MED14: variants seen among roughly 807,000 people sequenced by gnomAD.
MED14 encodes the protein mediator of RNA polymerase II transcription subunit 14.
Under a neutral mutation model 109.0 loss-of-function variants are expected in MED14, and 8 were observed. The ratio of observed to expected loss-of-function variants is 0.07; its 90% CI spans 0.04 to 0.13. The LOEUF (loss-of-function observed/expected upper bound fraction) is 0.13, where lower values mean the gene tolerates loss of function less well. Ranked by LOEUF, MED14 falls within the 10% of genes least tolerant of loss-of-function variation. MED14 has a pLI of 1.00. For synonymous variants in MED14, 399 were observed against 408.7 expected (o/e 0.98, Z 0.29); for missense variants, 711 against 1,142.4 (o/e 0.62, Z 5.44).
In MED14 at chrX:40,651,312, T is replaced by G; in HGVS notation, c.*494A>C. 1 of 753,745 alleles carries G rather than the reference T, an allele frequency of 1.3e-6. No individual in the cohort carries two copies. Among genetic ancestry groups the G allele is most frequent in the Non-Finnish European group, 1.6e-6 (1 of 638,504 alleles). The allele number at this position is 753,745 out of a possible 1,213,427, so 62.1% of individuals were successfully genotyped here. A position where few individuals can be genotyped will look rare whatever the true frequency, so the allele number is the denominator to read the frequency against. On this transcript the variant is annotated 3_prime_UTR_variant, in exon 31 of 31. Coordinates refer to ENST00000324817, the MANE Select transcript of MED14 (RefSeq NM_004229.4). Reference sequence around the variant, plus strand: ...CCTAGTTTTATTAAATATTGCTTCCTTGGGGTGTGTTTATAACAACTCCCA... The same window carrying G: ...CCTAGTTTTATTAAATATTGCTTCCGTGGGGTGTGTTTATAACAACTCCCA...
In MED14 at chrX:40,702,984, T is replaced by C. The variant is rs1055125018; in HGVS notation, c.1411+460A>G. On this transcript the variant is annotated intron_variant, in intron 11 of 30. Transcript: ENST00000324817. ...ACAGAACAAGTAAGAAATCAAACTT[T>C]AATTTCTACTGTGTTTAGGCCAGAA... 3.6e-5 allele frequency among the ~76,000 whole-genome samples: 4 copies of C among 112,142 alleles called. No individual in the cohort carries two copies. The Admixed American group carries it at 3.8e-4, about 11-fold the overall frequency.
At chrX:40,735,884 G>A (rs975640955), upstream of MED14, 13 of 269,794 alleles carry the variant, frequency 4.8e-5, no homozygotes, top group Non-Finnish European at 7.8e-5. Context: ...GAGCGGAAAA[G>A]GGAGCCGCGC....
rs1030870506 is a variant in MED14 at position 40,692,768 on chromosome X, A to C, written c.1785T>G (p.Ile595Met). 2 of 1,209,326 alleles carry C rather than the reference A, an allele frequency of 1.7e-6. No homozygotes were observed. The highest frequency in any genetic ancestry group is 2.2e-6 in the Non-Finnish European group (2 of 895,019). The change falls in exon 14 of 31, where the codon ATT becomes ATG. Residue 595 changes from isoleucine to methionine, a missense_variant. By Grantham distance (10) the Ile-to-Met change is conservative. Around this residue, in one of 8 missense-constraint regions of MED14, gnomAD observed 388 missense variants for 517.3 expected, o/e 0.75. Coordinates refer to ENST00000324817, the MANE Select transcript of MED14 (RefSeq NM_004229.4). ...ALLLQQFKEN[I>M]QDLVFRTKTG... ...TTTTTGTACGAAAAACCAAGTCCTGAATGTTTTCCTTGAACTGCTGCAGCA... is the reference window on the plus strand; with the variant it reads ...TTTTTGTACGAAAAACCAAGTCCTGCATGTTTTCCTTGAACTGCTGCAGCA...
intron 3 of MED14, among the ~76,000 whole-genome samples, chrX:40,721,455 A>T (rs1329312020): frequency 8.9e-6 from 1 of 112,790 alleles, no homozygotes; most frequent in Non-Finnish European, 1.9e-5. Flanking sequence ...TTGTGGTTTG[A>T]GTGCCAGCTT....
chrX:40,714,566 A>C lies in MED14; in HGVS notation c.493T>G (p.Ser165Ala). 4 of 1,211,779 alleles carry C rather than the reference A, an allele frequency of 3.3e-6. No individual in the cohort carries two copies. The highest frequency in any genetic ancestry group is 4.5e-6 in the Non-Finnish European group (4 of 895,501). Residue 165 changes from serine (S) to alanine (A), a missense_variant, in exon 4 of 31, where the codon TCT (serine) becomes GCT (alanine). Physicochemically the swap from Ser to Ala is moderately conservative, Grantham distance 99. Coordinates refer to ENST00000324817, the MANE Select transcript of MED14 (RefSeq NM_004229.4). Reference protein sequence around the residue: ...PYAIDVLTTGSYPRLPTCIRD... With the variant: ...PYAIDVLTTGAYPRLPTCIRD... ...ATGCAGGTTGGCAGCCGTGGGTAAG[A>C]TCCAGTAGTTAGTACATCAATGGCA...
At position 40,679,852 on chromosome X, in the gene MED14, A is replaced by G. The variant is rs370987882; in HGVS notation, c.2880+12T>C. 9.1e-6 allele frequency: 11 copies of G among 1,205,663 alleles called. No homozygotes were observed. The highest frequency in any genetic ancestry group is 1.8e-5 in the South Asian group (1 of 56,389). ...TTATGTTTACTCATGTTATAACACT[A>G]AAGTCTGTTACCTTTAGTCCTGGTG... On this transcript the variant is annotated intron_variant, in intron 21 of 30. Coordinates refer to ENST00000324817, the MANE Select transcript of MED14 (RefSeq NM_004229.4).
chrX:40,714,292 G>A (rs1312957862), intron 4 of MED14, among the ~76,000 whole-genome samples: 1 of 111,760 alleles, frequency 8.9e-6, no homozygotes, highest in African/African-American at 3.3e-5. Context: ...TGAAATAGAT[G>A]TTATGTCTGC....
chrX:40,704,029 G>A (rs776361101), intron 10 of MED14, among the ~76,000 whole-genome samples: 196 of 112,011 alleles, frequency 1.7e-3, no homozygotes, highest in South Asian at 1.5e-3. Flanking sequence ...TAAAAAAGAG[G>A]TATTCTGGCA....
chrX:40,688,432 G>A (rs781228409), intron 16 of MED14, 22 bp downstream of exon 16: 2 of 1,147,707 alleles, frequency 1.7e-6, no homozygotes, highest in Non-Finnish European at 2.4e-6. Flanking sequence ...GGCACCAAGT[G>A]AAACATATGA....
chrX:40,707,896 T>C (rs1931210018), intron 10 of MED14, among the ~76,000 whole-genome samples: 1 of 111,684 alleles, frequency 9.0e-6, no homozygotes, highest in Admixed American at 9.5e-5. Flanking sequence ...GAGGTAATTA[T>C]ATGTGAATTA....
intron 28 of MED14, among the ~76,000 whole-genome samples, chrX:40,658,885 G>A (rs1353724109): frequency 9.1e-6 from 1 of 109,832 alleles, no homozygotes; most frequent in African/African-American, 3.3e-5. Context: ...GTTTATGAGA[G>A]CAATGTTATT....
chrX:40,661,753 A>G (rs922318455), intron 26 of MED14, among the ~76,000 whole-genome samples: 3 of 111,995 alleles, frequency 2.7e-5, no homozygotes, highest in African/African-American at 6.5e-5. Flanking sequence ...GGTGCTCTCA[A>G]TTATAAATTA....
chrX:40,660,127 T>C (rs2146616173), intron 26 of MED14, among the ~76,000 whole-genome samples: 1 of 111,283 alleles, frequency 9.0e-6, no homozygotes, highest in African/African-American at 3.3e-5. Flanking sequence ...GTTGTGTTTT[T>C]TGTTTTGTTT....
intron 5 of MED14, 127 bp from the exon 6 acceptor site, chrX:40,713,169 G>C: frequency 1.6e-6 from 1 of 641,575 alleles, no homozygotes; most frequent in Non-Finnish European, 2.2e-6. Context: ...CTTTCATAAG[G>C]TTCCAACAAT....
In MED14 at chrX:40,729,362, A is replaced by C. The variant is rs1350908057; in HGVS notation, c.216-17T>G. The C allele has an allele frequency of 3.4e-6, 4 of 1,182,182 alleles. No homozygotes were observed. The South Asian group carries it at 7.5e-5, about 22-fold the overall frequency. Reference sequence around the variant, plus strand: ...CTTGGCAGTCTAAGAAGAAAAAAAAAAAACGGATTAGATACATGCATACCT... The same window carrying C: ...CTTGGCAGTCTAAGAAGAAAAAAAACAAACGGATTAGATACATGCATACCT... On this transcript the variant is annotated splice_polypyrimidine_tract_variant and intron_variant, in intron 1 of 30. Transcript: ENST00000324817.
chrX:40,657,827 G>A (rs1230023538), intron 28 of MED14, among the ~76,000 whole-genome samples: 1 of 111,756 alleles, frequency 8.9e-6, no homozygotes, highest in African/African-American at 3.3e-5. Context: ...AGTCTCACTC[G>A]GTCGTCCAGG....
chrX:40,657,291 CAGGTCTTTGGAGACGTAATCAAAT>C (rs1394170911), intron 28 of MED14, among the ~76,000 whole-genome samples: 8 of 111,729 alleles, frequency 7.2e-5, no homozygotes, highest in Non-Finnish European at 1.5e-4. Flanking sequence ...ATCTGAAAAC[CAGGTCTTTGGAGACGTAATCAAAT>C]TAAGAGGAGG....
At chrX:40,684,466 T>G (rs1286842631) in intron 16 of MED14, among the ~76,000 whole-genome samples, 1 of 112,434 alleles carries the variant, frequency 8.9e-6, no homozygotes, top group South Asian at 3.6e-4. Context: ...TTTTCAAAAG[T>G]TAATCTTTCA....
At position 40,710,014 on chromosome X, in the gene MED14, C is replaced by A; in HGVS notation, c.1138G>T (p.Ala380Ser). ...LQIFHDPPLP[A>S]SDSKLVERAM... ...CTTTCTACTAATTTGGAATCAGAAGCTGGCAAAGGAGGATCGTGAAAAATC... is the reference window on the plus strand; with the variant it reads ...CTTTCTACTAATTTGGAATCAGAAGATGGCAAAGGAGGATCGTGAAAAATC... The change falls in exon 9 of 31, where the codon GCT becomes TCT. Residue 380 changes from alanine (A) to serine (S), a missense_variant. Around this residue, in one of 8 missense-constraint regions of MED14, gnomAD observed 388 missense variants for 517.3 expected, o/e 0.75. Transcript: ENST00000324817. 8.5e-7 allele frequency: 1 copy of A among 1,181,264 alleles called. No homozygotes were observed. Among genetic ancestry groups the A allele is most frequent in the Non-Finnish European group, 1.1e-6 (1 of 878,538 alleles).
Sources: allele counts gnomAD v4.1 joint callset (sites outside exome capture counted in the v4.1 genomes callset), GRCh38; gene constraint gnomAD v4.1.1; regional missense constraint gnomAD v4.1.1; transcripts MANE v1.5; gene names NCBI Gene and HGNC (gene_info 2026-07-23, HGNC 2026-07-21).